CDC42BPA: variants seen among roughly 807,000 people sequenced by gnomAD.
CDC42BPA encodes the protein serine/threonine-protein kinase MRCK alpha.
Under a neutral mutation model 223.5 loss-of-function variants are expected in CDC42BPA, and 80 were observed. The ratio of observed to expected loss-of-function variants is 0.36; its 90% CI spans 0.30 to 0.43. The LOEUF (loss-of-function observed/expected upper bound fraction) is 0.43, where lower values mean the gene tolerates loss of function less well. Among genes scored for constraint, CDC42BPA ranks in the 20% least tolerant of loss-of-function variants. CDC42BPA has a pLI of 1.00. For missense variants in CDC42BPA, 1,743 were observed against 2,099.9 expected, an observed-to-expected ratio of 0.83 and a Z score of 3.32; for synonymous variants, 694 against 718.6, an observed-to-expected ratio of 0.97 and a Z score of 0.55.
chr1:227,086,035 T>C (rs1201891104), intron 16 of CDC42BPA, among the ~76,000 whole-genome samples: 1 of 152,240 alleles, frequency 6.6e-6, no homozygotes, highest in Non-Finnish European at 1.5e-5. Context: ...ACCTGCTTTC[T>C]GTTTCTGTAG....
At chr1:227,026,228 C>G in intron 30 of CDC42BPA, 76 bp from the exon 31 acceptor site, 1 of 755,520 alleles carries the variant, frequency 1.3e-6, no homozygotes, top group Non-Finnish European at 2.2e-6. Context: ...AAGGTCTACA[C>G]TAAATAACTG....
intron 26 of CDC42BPA, among the ~76,000 whole-genome samples, chr1:227,034,168 G>C (rs1176721190): frequency 6.6e-6 from 1 of 152,180 alleles, no homozygotes; most frequent in African/African-American, 2.4e-5. Flanking sequence ...ATCACTCAAG[G>C]ATAGTGCCTG....
chr1:227,004,110 C>T (rs1663512390), intron 35 of CDC42BPA: 1 of 150,488 alleles, frequency 6.6e-6, no homozygotes, highest in Non-Finnish European at 1.5e-5. Flanking sequence ...AATGTCCTGC[C>T]TCAGCCCCTT....
intron 1 of CDC42BPA, among the ~76,000 whole-genome samples, chr1:227,291,436 C>T (rs1689678912): frequency 6.6e-6 from 1 of 152,114 alleles, no homozygotes; most frequent in African/African-American, 2.4e-5. Flanking sequence ...GTCATCCCAG[C>T]TACTCAGGAG....
At chr1:227,151,964 A>C (rs543762969) in intron 6 of CDC42BPA, among the ~76,000 whole-genome samples, 1 of 151,904 alleles carries the variant, frequency 6.6e-6, no homozygotes, top group African/African-American at 2.4e-5. Context: ...GAGGCAGGAT[A>C]AGTGAGCCGA....
At chr1:227,162,606 G>C (rs1206722970) in intron 5 of CDC42BPA, among the ~76,000 whole-genome samples, 2 of 152,130 alleles carry the variant, frequency 1.3e-5, no homozygotes, top group Non-Finnish European at 2.9e-5. Context: ...CGAGGAGGGA[G>C]GATTACTTGA....
chr1:227,070,900 C>T (rs549743608), intron 20 of CDC42BPA, among the ~76,000 whole-genome samples: 27 of 151,814 alleles, frequency 1.8e-4, no homozygotes, highest in Non-Finnish European at 3.0e-4. Flanking sequence ...TGTCATCTGG[C>T]GTGCAAGTCA....
At chr1:227,069,900 G>A in intron 20 of CDC42BPA, 47 bp from the exon 21 acceptor site, 3 of 1,227,614 alleles carry the variant, frequency 2.4e-6, no homozygotes, top group Non-Finnish European at 3.6e-6. Flanking sequence ...AATTAAAATT[G>A]ATTTTAATGG....
chr1:227,056,831 C>T (rs1347422891), intron 21 of CDC42BPA, among the ~76,000 whole-genome samples: 1 of 152,144 alleles, frequency 6.6e-6, no homozygotes, highest in East Asian at 1.9e-4. Context: ...GTTAATTGAA[C>T]TTATGATACA....
At position 227,173,465 on chromosome 1, in the gene CDC42BPA, G is replaced by A. The variant is rs369209240; in HGVS notation, c.600-12829C>T. Among the ~76,000 whole-genome samples the A allele has an allele frequency of 7.2e-5, 11 of 152,160 alleles. No homozygotes were observed. The South Asian group carries it at 2.3e-3, about 32-fold the overall frequency. ...TTTATGATACATGTAATTTATTTGA[G>A]TCATACTATGTTTTGCCTCTGGAAA... On this transcript the variant is annotated intron_variant, in intron 5 of 36. Coordinates refer to ENST00000366766, the MANE Select transcript of CDC42BPA (RefSeq NM_001394014.1).
At chr1:227,154,238 T>C (rs1346365783) in intron 6 of CDC42BPA, among the ~76,000 whole-genome samples, 5 of 151,960 alleles carry the variant, frequency 3.3e-5, no homozygotes, top group Admixed American at 3.3e-4. Context: ...AAAAAAACTC[T>C]GGTAATCAGA....
At chr1:227,180,770 A>C (rs991914941) in intron 5 of CDC42BPA, among the ~76,000 whole-genome samples, 1 of 152,344 alleles carries the variant, frequency 6.6e-6, no homozygotes, top group East Asian at 1.9e-4. Context: ...ATAACATTCT[A>C]ATCAGATGAA....
At chr1:227,187,685 C>A (rs1265022172) in intron 5 of CDC42BPA, among the ~76,000 whole-genome samples, 10 of 84,600 alleles carry the variant, frequency 1.2e-4, no homozygotes, top group East Asian at 7.7e-4. Flanking sequence ...CCCCACCCCC[C>A]CCCCAAAAAA....
chr1:227,256,960 C>T (rs1332485321), intron 1 of CDC42BPA, among the ~76,000 whole-genome samples: 2 of 149,238 alleles, frequency 1.3e-5, no homozygotes, highest in Non-Finnish European at 3.0e-5. Context: ...CACACACACA[C>T]ACACACACAC....
At chr1:227,167,676 C>G (rs1285545972) in intron 5 of CDC42BPA, among the ~76,000 whole-genome samples, 1 of 152,006 alleles carries the variant, frequency 6.6e-6, no homozygotes, top group Non-Finnish European at 1.5e-5. Flanking sequence ...AGTTGGTTGC[C>G]CTATGACCTC....
chr1:227,143,606 G>A (rs1418473310), intron 8 of CDC42BPA, among the ~76,000 whole-genome samples: 1 of 152,204 alleles, frequency 6.6e-6, no homozygotes, highest in Non-Finnish European at 1.5e-5. Context: ...AGAGGACAGT[G>A]ATGTGCCTTT....
intron 2 of CDC42BPA, among the ~76,000 whole-genome samples, chr1:227,232,332 A>G (rs2313496): frequency 0.52 from 78,789 of 151,892 alleles, 20,521 homozygotes; most frequent in South Asian, 0.61. Context: ...CTGTTCCATT[A>G]GTCTGTATCT....
intron 1 of CDC42BPA, among the ~76,000 whole-genome samples, chr1:227,257,678 C>CAGG (rs1184126312): frequency 6.6e-6 from 1 of 150,602 alleles, no homozygotes; most frequent in Non-Finnish European, 1.5e-5. Flanking sequence ...CACTAGAACC[C>CAGG]AGGAGGCGGA....
chr1:227,010,986 G>C (rs1484896727), intron 34 of CDC42BPA: 1 of 1,362,338 alleles, frequency 7.3e-7, no homozygotes, highest in African/African-American at 1.5e-5. Flanking sequence ...TAACAGTCAT[G>C]TGATAGATGT....
Sources: gnomAD v4.1 joint callset for allele counts (sites outside exome capture counted in the v4.1 genomes callset) on GRCh38, gnomAD v4.1.1 for gene constraint, MANE v1.5 for transcripts, NCBI Gene and HGNC (gene_info 2026-07-23, HGNC 2026-07-21) for gene names.